Variants in ENOX1 observed in about 807,000 individuals in gnomAD.
ENOX1 encodes candidate growth-related and time keeping constitutive hydroquinone (NADH) oxidase.
A neutral mutation model predicts 82.5 loss-of-function variants in ENOX1; 42 were observed. That is an observed-to-expected ratio of 0.51 (90% CI 0.40 to 0.66). ENOX1 has a LOEUF of 0.66. ENOX1 is among the 30% of genes least tolerant of loss of function. The probability of loss-of-function intolerance (pLI) is 0.00; values close to 1 mark genes in which losing one functional copy is unlikely to be tolerated. For missense variants in ENOX1, 608 were observed against 811.6 expected (o/e 0.75, Z 3.05); for synonymous variants, 271 against 282.2 (o/e 0.96, Z 0.40).
chr13:43,447,953 A>C (rs1174003187), intron 3 of ENOX1, among the ~76,000 whole-genome samples: 1 of 152,244 alleles, frequency 6.6e-6, no homozygotes, highest in East Asian at 1.9e-4. Context: ...ACAGATATAG[A>C]AATGTTTAGT....
chr13:43,298,632 G>C, intron 11 of ENOX1, 102 bp from the exon 12 acceptor site: 1 of 1,120,944 alleles, frequency 8.9e-7, no homozygotes, highest in Non-Finnish European at 1.2e-6. Flanking sequence ...CTTAATGTTT[G>C]TACCAGCTCA....
At chr13:43,277,796 G>A (rs560055817) in intron 12 of ENOX1, among the ~76,000 whole-genome samples, 2 of 152,268 alleles carry the variant, frequency 1.3e-5, no homozygotes, top group East Asian at 1.9e-4. Context: ...TTCCTCTGCT[G>A]CAGAGAAAAG....
intron 12 of ENOX1, among the ~76,000 whole-genome samples, chr13:43,288,846 A>C (rs2045848313): frequency 6.6e-6 from 1 of 152,156 alleles, no homozygotes. Context: ...TACATCTTTC[A>C]TAATGGCTCT....
At chr13:43,596,417 C>A (rs2081475990) in intron 2 of ENOX1, among the ~76,000 whole-genome samples, 1 of 152,232 alleles carries the variant, frequency 6.6e-6, no homozygotes, top group Non-Finnish European at 1.5e-5. Flanking sequence ...TCATTTCCAT[C>A]CTGCTTTAAT....
intron 11 of ENOX1, among the ~76,000 whole-genome samples, chr13:43,310,000 G>A (rs1470874305): frequency 1.3e-5 from 2 of 151,876 alleles, no homozygotes; most frequent in South Asian, 2.1e-4. Context: ...TCAGGAGATC[G>A]AGACCATCCT....
Position 43,314,313 on chromosome 13 carries a change from A to G in ENOX1, c.1261+8071T>C, listed in dbSNP as rs969892255. ...AATTTCCAGGGCTTCTAAGTATCAT[A>G]TAATGGCAAGTAGAATTTCCAAGAA... On this transcript the variant is annotated intron_variant, in intron 11 of 16. Transcript: ENST00000690772. 3.3e-5 allele frequency among the ~76,000 whole-genome samples: 5 copies of G among 152,226 alleles called. No homozygotes were observed. In the East Asian group the frequency reaches 9.6e-4, roughly 29 times the overall value.
chr13:43,326,996 C>G (rs1376540898), intron 9 of ENOX1, among the ~76,000 whole-genome samples: 1 of 152,164 alleles, frequency 6.6e-6, no homozygotes, highest in African/African-American at 2.4e-5. Context: ...AATCACAGTC[C>G]TCTCAAGACA....
intron 1 of ENOX1, among the ~76,000 whole-genome samples, chr13:43,722,989 G>A (rs2088680452): frequency 1.3e-5 from 2 of 152,076 alleles, no homozygotes; most frequent in Non-Finnish European, 2.9e-5. Flanking sequence ...AAAATATCAA[G>A]GAGACAAAAG....
intron 5 of ENOX1, 126 bp from the exon 6 acceptor site, chr13:43,361,578 G>A (rs752371612): frequency 1.5e-4 from 125 of 831,122 alleles, no homozygotes; most frequent in Non-Finnish European, 2.2e-4. Context: ...CCTGGCATAA[G>A]ATATAATATT....
intron 5 of ENOX1, among the ~76,000 whole-genome samples, chr13:43,407,982 T>C (rs2053900572): frequency 2.0e-5 from 3 of 152,134 alleles, no homozygotes; most frequent in Admixed American, 2.0e-4. Flanking sequence ...GAGTATGGGA[T>C]TTAGGATTGG....
At chr13:43,411,804 CATAA>C in intron 5 of ENOX1, 108 bp downstream of exon 5, 3 of 1,368,324 alleles carry the variant, frequency 2.2e-6, no homozygotes, top group Non-Finnish European at 3.0e-6. Flanking sequence ...ATGCCCCAGT[CATAA>C]ATAAAAGACT....
At chr13:43,302,445 T>C (rs967215632) in intron 11 of ENOX1, among the ~76,000 whole-genome samples, 2 of 152,194 alleles carry the variant, frequency 1.3e-5, no homozygotes, top group Non-Finnish European at 2.9e-5. Flanking sequence ...CATTTCTAGT[T>C]ACTCAGTAAT....
chr13:43,683,142 C>T (rs544101659), intron 1 of ENOX1, among the ~76,000 whole-genome samples: 3 of 152,282 alleles, frequency 2.0e-5, no homozygotes, highest in Admixed American at 6.5e-5. Flanking sequence ...GAGAAACTCT[C>T]CTCCTAAGAC....
In ENOX1 at chr13:43,213,544, C is replaced by CTTTTTTTTTTTTTT. The variant is rs3043205; in HGVS notation, c.*432_*445dup. On this transcript the variant is annotated 3_prime_UTR_variant, in exon 17 of 17. Transcript: ENST00000690772. ...TTTTTCTTTTTTTCTTTTTCTTTTT[C>CTTTTTTTTTTTTTT]TTTTTTTTTTTTTTTTTTTTTTTAC... 2.4e-5 allele frequency: 2 copies of CTTTTTTTTTTTTTT among 84,008 alleles called. No homozygotes were observed. The highest frequency in any genetic ancestry group is 4.4e-5 in the African/African-American group (1 of 22,740). The allele number at this position is 84,008 out of a possible 1,614,324, so 5.2% of individuals were successfully genotyped here.
At chr13:43,309,047 A>G (rs946301971) in intron 11 of ENOX1, among the ~76,000 whole-genome samples, 10 of 144,084 alleles carry the variant, frequency 6.9e-5, no homozygotes, top group Non-Finnish European at 1.4e-4. Context: ...TTTTTTTTCC[A>G]GAGTCTCGCT....
At chr13:43,645,173 T>C (rs954732383) in intron 2 of ENOX1, among the ~76,000 whole-genome samples, 5 of 152,184 alleles carry the variant, frequency 3.3e-5, no homozygotes, top group African/African-American at 1.2e-4. Flanking sequence ...TTTATATCTT[T>C]AGAGAAGGGT....
intron 2 of ENOX1, among the ~76,000 whole-genome samples, chr13:43,541,506 A>T (rs557960569): frequency 6.6e-6 from 1 of 152,176 alleles, no homozygotes; most frequent in Non-Finnish European, 1.5e-5. Context: ...TTTCTAAAAA[A>T]TAAGAAACAA....
chr13:43,464,400 C>A (rs2153640030), intron 3 of ENOX1, among the ~76,000 whole-genome samples: 1 of 152,164 alleles, frequency 6.6e-6, no homozygotes, highest in Admixed American at 6.6e-5. Flanking sequence ...CAGTACTTTT[C>A]AGAATATGTG....
chr13:43,418,688 T>C (rs1435627973), intron 3 of ENOX1, among the ~76,000 whole-genome samples: 1 of 152,228 alleles, frequency 6.6e-6, no homozygotes, highest in Non-Finnish European at 1.5e-5. Flanking sequence ...TAATGAAGTA[T>C]GAGCACCACA....
Sources: allele counts gnomAD v4.1 joint callset (sites outside exome capture counted in the v4.1 genomes callset), GRCh38; gene constraint gnomAD v4.1.1; transcripts MANE v1.5; gene names NCBI Gene and HGNC (gene_info 2026-07-23, HGNC 2026-07-21).